Variants in NDUFB3 observed in about 807,000 individuals in gnomAD.
NDUFB3 encodes the protein NADH dehydrogenase [ubiquinone] 1 beta subcomplex subunit 3.
A neutral mutation model predicts 9.0 loss-of-function variants in NDUFB3; 7 were observed. The ratio of observed to expected loss-of-function variants is 0.78; its 90% CI spans 0.44 to 1.46. The LOEUF is 1.46. Among genes scored for constraint, NDUFB3 ranks in the 40% most tolerant of loss-of-function variants. NDUFB3 has a pLI of 0.01. For missense variants in NDUFB3, 93 were observed against 115.4 expected, an observed-to-expected ratio of 0.81 and a Z score of 0.89; for synonymous variants, 29 against 38.5, an observed-to-expected ratio of 0.75 and a Z score of 0.91.
rs373882604 is a variant in NDUFB3 at position 201,084,467 on chromosome 2, T to TAAAC, written c.141-976_141-973dup. 6.2e-4 allele frequency among the ~76,000 whole-genome samples: 94 copies of TAAAC among 151,210 alleles called. No homozygotes were observed. In the Middle Eastern group the frequency reaches 0.017, roughly 27 times the overall value. On this transcript the variant is annotated intron_variant, in intron 2 of 2. Coordinates refer to ENST00000237889, the MANE Select transcript of NDUFB3 (RefSeq NM_002491.3). The stretch of plus-strand genomic sequence containing the variant: ...AGATTGAGACTCTGTCATAAATAAA[T>TAAAC]AAACAAACAAACAAACAAAAATTAG...
intron 1 of NDUFB3, among the ~76,000 whole-genome samples, chr2:201,075,234 G>C (rs149922431): frequency 6.6e-6 from 1 of 150,926 alleles, no homozygotes; most frequent in East Asian, 1.9e-4. Flanking sequence ...CCTAGAGAAA[G>C]TGTTTTCAAC....
At chr2:201,080,933 G>A (rs2047215248) in intron 2 of NDUFB3, among the ~76,000 whole-genome samples, 1 of 151,348 alleles carries the variant, frequency 6.6e-6, no homozygotes, top group South Asian at 2.1e-4. Context: ...TGGATCTCCC[G>A]ACCTCATGAT....
At chr2:201,081,563 C>A (rs2047222981) in intron 2 of NDUFB3, among the ~76,000 whole-genome samples, 1 of 152,128 alleles carries the variant, frequency 6.6e-6, no homozygotes, top group Admixed American at 6.6e-5. Context: ...AGGTCTTGTT[C>A]ATTTTATCAG....
intron 2 of NDUFB3, among the ~76,000 whole-genome samples, chr2:201,084,253 G>A (rs187451162): frequency 1.3e-5 from 2 of 150,472 alleles, no homozygotes; most frequent in East Asian, 2.0e-4. Flanking sequence ...TCGTACCATC[G>A]CACTCCAGCC....
At chr2:201,074,235 G>A (rs1291366285) in intron 1 of NDUFB3, among the ~76,000 whole-genome samples, 2 of 152,080 alleles carry the variant, frequency 1.3e-5, no homozygotes, top group Non-Finnish European at 2.9e-5. Context: ...TTACAGGCGT[G>A]AGCCACCGCT....
At chr2:201,080,186 T>C (rs72929091) in intron 2 of NDUFB3, among the ~76,000 whole-genome samples, 4,201 of 152,298 alleles carry the variant, frequency 0.028, 104 homozygotes, top group Middle Eastern at 0.088. Flanking sequence ...TTTACATATG[T>C]GCATCCAGTT....
chr2:201,078,986 A>C lies in NDUFB3; in HGVS notation c.104A>C (p.Lys35Thr). Residue 35 changes from lysine to threonine, a missense_variant, in exon 2 of 3, where the codon AAG becomes ACG. Transcript: ENST00000237889. Reference protein sequence around the residue: ...EGTPLETIQKKLAAKGLRDPW... With the variant: ...EGTPLETIQKTLAAKGLRDPW... ...ACACCATTAGAAACTATCCAGAAGA[A>C]GCTGGCTGCAAAAGGGCTAAGGGAT... is the stretch of plus-strand genomic sequence containing the variant. 6.2e-7 allele frequency: 1 copy of C among 1,613,468 alleles called. No homozygotes were observed. Among genetic ancestry groups the C allele is most frequent in the African/African-American group, 1.3e-5 (1 of 75,028 alleles).
chr2:201,082,699 CTT>C (rs1170018569), intron 2 of NDUFB3, among the ~76,000 whole-genome samples: 132 of 100,396 alleles, frequency 1.3e-3, no homozygotes, highest in African/African-American at 5.2e-3. Flanking sequence ...GCTAAATTCA[CTT>C]TTTTTTTTTT....
chr2:201,082,480 G>T (rs985538439), intron 2 of NDUFB3, among the ~76,000 whole-genome samples: 4 of 151,842 alleles, frequency 2.6e-5, no homozygotes, highest in African/African-American at 9.7e-5. Context: ...GCCCAGGCTG[G>T]TCTCAAAATC....
intron 2 of NDUFB3, among the ~76,000 whole-genome samples, chr2:201,084,029 G>T (rs1459373092): frequency 6.6e-6 from 1 of 152,134 alleles, no homozygotes; most frequent in African/African-American, 2.4e-5. Context: ...GGTGGCTCAT[G>T]CCTGTAATCC....
At chr2:201,078,756 C>G in intron 1 of NDUFB3, 125 bp from the exon 2 acceptor site, 1 of 928,270 alleles carries the variant, frequency 1.1e-6, no homozygotes, top group Non-Finnish European at 1.6e-6. Context: ...CTGGAATTTT[C>G]AAGTATTTAT....
In NDUFB3 at chr2:201,085,436, ATTTTTTC is replaced by A; in HGVS notation, c.141-16_141-10del. The A allele has an allele frequency of 6.4e-7, 1 of 1,567,810 alleles. No individual in the cohort carries two copies. The highest frequency in any genetic ancestry group is 8.6e-7 in the Non-Finnish European group (1 of 1,156,762). ...TACACACACGTTGTGTATGATTATAATTTTTTCTTTTTTTTTTTCTAGCAATGAAGCT... is the reference window on the plus strand; with the variant it reads ...TACACACACGTTGTGTATGATTATAATTTTTTTTTTTCTAGCAATGAAGCT... On this transcript the variant is annotated splice_polypyrimidine_tract_variant and intron_variant, in intron 2 of 2. Coordinates refer to ENST00000237889, the MANE Select transcript of NDUFB3 (RefSeq NM_002491.3).
At chr2:201,073,282 AT>A (rs900628475) in intron 1 of NDUFB3, among the ~76,000 whole-genome samples, 2 of 152,056 alleles carry the variant, frequency 1.3e-5, no homozygotes, top group African/African-American at 4.8e-5. Flanking sequence ...GTGCATGTGT[AT>A]TTTTTTCTGA....
chr2:201,079,230 C>T (rs1575544563), intron 2 of NDUFB3, among the ~76,000 whole-genome samples: 1 of 152,056 alleles, frequency 6.6e-6, no homozygotes, highest in Non-Finnish European at 1.5e-5. Context: ...CTGCAGCCTC[C>T]GCCACCCGGG....
At chr2:201,082,930 G>A (rs2047245550) in intron 2 of NDUFB3, among the ~76,000 whole-genome samples, 1 of 150,390 alleles carries the variant, frequency 6.6e-6, no homozygotes, top group Non-Finnish European at 1.5e-5. Context: ...AGCCAGGATG[G>A]TCTCGATCTC....
intron 1 of NDUFB3, among the ~76,000 whole-genome samples, chr2:201,077,584 A>G (rs2047177433): frequency 6.6e-6 from 1 of 152,224 alleles, no homozygotes; most frequent in South Asian, 2.1e-4. Flanking sequence ...GGTTTTTACA[A>G]ATGAACATTT....
intron 1 of NDUFB3, among the ~76,000 whole-genome samples, chr2:201,075,707 T>A (rs560984565): frequency 1.3e-5 from 2 of 152,224 alleles, no homozygotes; most frequent in East Asian, 3.9e-4. Context: ...TACGCTTTCA[T>A]GTTTTCTTTC....
intron 1 of NDUFB3, among the ~76,000 whole-genome samples, chr2:201,075,427 G>A (rs747388469): frequency 6.6e-6 from 1 of 151,684 alleles, no homozygotes; most frequent in Non-Finnish European, 1.5e-5. Context: ...TTAGCCAGGC[G>A]TGGTGGGGGG....
At chr2:201,079,650 C>T (rs973188010) in intron 2 of NDUFB3, among the ~76,000 whole-genome samples, 2 of 152,100 alleles carry the variant, frequency 1.3e-5, no homozygotes, top group African/African-American at 4.8e-5. Flanking sequence ...GCCATGTTGC[C>T]CGGGCTAGTC....
Sources: gnomAD v4.1 joint callset for allele counts (sites outside exome capture counted in the v4.1 genomes callset) on GRCh38, gnomAD v4.1.1 for gene constraint, MANE v1.5 for transcripts, NCBI Gene and HGNC (gene_info 2026-07-23, HGNC 2026-07-21) for gene names.